The following CDH18 variants were observed in gnomAD, a reference collection of about 807,000 sequenced individuals.
CDH18 encodes the protein cadherin-18.
Under a neutral mutation model 67.9 loss-of-function variants are expected in CDH18, and 31 were observed. The ratio of observed to expected loss-of-function variants is 0.46; its 90% confidence interval spans 0.34 to 0.62. The LOEUF (loss-of-function observed/expected upper bound fraction) is 0.62. Among genes scored for constraint, CDH18 ranks in the 20% least tolerant of loss-of-function variants. The pLI is 0.01. For synonymous variants in CDH18, 362 were observed against 347.2 expected, an observed-to-expected ratio of 1.04 and a Z score of -0.48; for missense variants, 890 against 975.5, an observed-to-expected ratio of 0.91 and a Z score of 1.17.
At chr5:20,423,744 G>T (rs1275962419) in intron 1 of CDH18, among the ~76,000 whole-genome samples, 2 of 150,466 alleles carry the variant, frequency 1.3e-5, no homozygotes, top group African/African-American at 5.0e-5. Context: ...AGAAGATCGA[G>T]ACCATCCTGG....
intron 1 of CDH18, chr5:20,305,867 C>A (rs2940464): frequency 0.81 from 149,952 of 186,112 alleles, 60,917 homozygotes; most frequent in African/African-American, 0.91. Context: ...AAGGATGCTA[C>A]AATTTTCCAC....
intron 6 of CDH18, among the ~76,000 whole-genome samples, chr5:19,604,530 AACACACACACACAC>A (rs4002268): frequency 0.014 from 1,993 of 145,174 alleles, 21 homozygotes; most frequent in African/African-American, 0.027. Context: ...TTCAAATTAA[AACACACACACACAC>A]ACACACACAC....
intron 2 of CDH18, among the ~76,000 whole-genome samples, chr5:19,894,678 T>C (rs1383650910): frequency 6.6e-6 from 1 of 152,124 alleles, no homozygotes; most frequent in Non-Finnish European, 1.5e-5. Context: ...TTGGTTGTCA[T>C]ACAGCATTTT....
chr5:20,174,158 G>T (rs1737052629), intron 2 of CDH18, among the ~76,000 whole-genome samples: 1 of 152,104 alleles, frequency 6.6e-6, no homozygotes, highest in Admixed American at 6.6e-5. Flanking sequence ...TTTTATAAAT[G>T]GAATTCTAAT....
intron 2 of CDH18, among the ~76,000 whole-genome samples, chr5:20,051,073 G>A (rs901723948): frequency 2.0e-5 from 3 of 151,966 alleles, no homozygotes; most frequent in South Asian, 2.1e-4. Context: ...TGATCAAAAT[G>A]TATTAACGTA....
At chr5:20,057,792 T>C (rs13157679) in intron 2 of CDH18, among the ~76,000 whole-genome samples, 115,098 of 152,060 alleles carry the variant, frequency 0.76, 46,515 homozygotes, top group Non-Finnish European at 0.9. Context: ...AATATTCTTT[T>C]ATTAGCTTTC....
At chr5:20,105,040 G>A (rs1746807445) in intron 2 of CDH18, among the ~76,000 whole-genome samples, 1 of 151,958 alleles carries the variant, frequency 6.6e-6, no homozygotes, top group South Asian at 2.1e-4. Flanking sequence ...CCAGGCTGGA[G>A]TGCAATGACA....
intron 1 of CDH18, among the ~76,000 whole-genome samples, chr5:20,276,412 A>C (rs1328919183): frequency 2.0e-5 from 3 of 152,122 alleles, no homozygotes; most frequent in Non-Finnish European, 4.4e-5. Flanking sequence ...TCACTCCTTG[A>C]TGTTATTTCT....
intron 1 of CDH18, among the ~76,000 whole-genome samples, chr5:20,544,241 T>C (rs1380140472): frequency 6.6e-6 from 1 of 152,052 alleles, no homozygotes; most frequent in African/African-American, 2.4e-5. Context: ...ACCTCACAGA[T>C]GGGGAAGATT....
intron 2 of CDH18, among the ~76,000 whole-genome samples, chr5:20,098,091 A>AT (rs1746144831): frequency 6.6e-6 from 1 of 151,924 alleles, no homozygotes; most frequent in African/African-American, 2.4e-5. Flanking sequence ...TTTGTAAGTA[A>AT]TTTTTGTTAG....
intron 3 of CDH18, among the ~76,000 whole-genome samples, chr5:19,808,085 G>T (rs1175333745): frequency 6.6e-6 from 1 of 151,936 alleles, no homozygotes; most frequent in African/African-American, 2.4e-5. Context: ...ACAAGGAAAA[G>T]GCCATGACTA....
intron 3 of CDH18, among the ~76,000 whole-genome samples, chr5:19,809,002 A>G (rs1339660061): frequency 6.6e-6 from 1 of 152,114 alleles, no homozygotes; most frequent in African/African-American, 2.4e-5. Context: ...AGAATACTGT[A>G]TGTATATCCA....
At chr5:19,717,978 T>C (rs754448279) in intron 5 of CDH18, among the ~76,000 whole-genome samples, 1 of 151,968 alleles carries the variant, frequency 6.6e-6, no homozygotes, top group African/African-American at 2.4e-5. Flanking sequence ...ACGAAAGTCA[T>C]TAAAAACAAT....
chr5:20,317,038 A>G (rs1737528031), intron 1 of CDH18, among the ~76,000 whole-genome samples: 1 of 152,086 alleles, frequency 6.6e-6, no homozygotes, highest in African/African-American at 2.4e-5. Flanking sequence ...ACCAAGGCTT[A>G]TACAGAAAAA....
At chr5:19,492,862 C>A (rs962147397) in intron 11 of CDH18, among the ~76,000 whole-genome samples, 1 of 152,100 alleles carries the variant, frequency 6.6e-6, no homozygotes, top group East Asian at 1.9e-4. Flanking sequence ...TTTCTAGCCA[C>A]CACAATTTGG....
At chr5:20,280,193 A>T (rs975504019) in intron 1 of CDH18, among the ~76,000 whole-genome samples, 12 of 151,646 alleles carry the variant, frequency 7.9e-5, no homozygotes, top group South Asian at 4.2e-4. Flanking sequence ...TATTTATTTT[A>T]TTTATTTTTT....
chr5:19,698,369 T>C (rs993458636), intron 5 of CDH18, among the ~76,000 whole-genome samples: 3 of 152,120 alleles, frequency 2.0e-5, no homozygotes, highest in East Asian at 1.9e-4. Context: ...AATAAATACA[T>C]AGAATTATAA....
At chr5:20,556,330 G>A (rs1276246245) in intron 1 of CDH18, among the ~76,000 whole-genome samples, 1 of 152,162 alleles carries the variant, frequency 6.6e-6, no homozygotes, top group Non-Finnish European at 1.5e-5. Context: ...GGAGACGAAT[G>A]TGGTAAAGGG....
At chr5:20,183,428 C>T (rs1737854380) in intron 2 of CDH18, among the ~76,000 whole-genome samples, 1 of 151,776 alleles carries the variant, frequency 6.6e-6, no homozygotes, top group African/African-American at 2.4e-5. Context: ...TAATAAATTA[C>T]ACATTTATAT....
Sources: allele counts gnomAD v4.1 joint callset (sites outside exome capture counted in the v4.1 genomes callset), GRCh38; gene constraint gnomAD v4.1.1; transcripts MANE v1.5; gene names NCBI Gene and HGNC (gene_info 2026-07-23, HGNC 2026-07-21).